The following FOXJ3 variants were observed in gnomAD, a reference collection of about 807,000 sequenced individuals.
FOXJ3 encodes the protein forkhead box protein J3.
A neutral mutation model predicts 76.1 loss-of-function variants in FOXJ3; 22 were observed. The ratio of observed to expected loss-of-function variants is 0.29; its 90% confidence interval spans 0.21 to 0.41. FOXJ3 has a LOEUF of 0.41. Ranked by LOEUF, FOXJ3 falls within the 10% of genes least tolerant of loss-of-function variation. The pLI is 1.00. For synonymous variants in FOXJ3, 269 were observed against 261.2 expected, an observed-to-expected ratio of 1.03 and a Z score of -0.29; for missense variants, 613 against 762.1, an observed-to-expected ratio of 0.80 and a Z score of 2.30.
intron 2 of FOXJ3, among the ~76,000 whole-genome samples, chr1:42,291,083 T>TAGACAGACAGACAGACAGATAGAC (rs1653400693): frequency 7.9e-6 from 1 of 126,388 alleles, no homozygotes; most frequent in African/African-American, 2.9e-5. Flanking sequence ...GATAGATAGA[T>TAGACAGACAGACAGACAGATAGAC]AGACAGACAG....
intron 4 of FOXJ3, among the ~76,000 whole-genome samples, chr1:42,239,540 C>T (rs1215357105): frequency 1.3e-5 from 2 of 152,004 alleles, no homozygotes; most frequent in Non-Finnish European, 2.9e-5. Flanking sequence ...GGTATATGTA[C>T]CAAAATGGAC....
chr1:42,199,025 T>C (rs1646707616), intron 7 of FOXJ3, 77 bp downstream of exon 7: 2 of 1,176,568 alleles, frequency 1.7e-6, no homozygotes, highest in Non-Finnish European at 2.4e-6. Flanking sequence ...TTTTTAAATT[T>C]GCATTTCAAT....
chr1:42,273,866 C>G (rs778483198), intron 3 of FOXJ3, among the ~76,000 whole-genome samples: 1 of 152,062 alleles, frequency 6.6e-6, no homozygotes, highest in Non-Finnish European at 1.5e-5. Context: ...TTTCCCTTTT[C>G]TTGGGGAGCG....
intron 4 of FOXJ3, among the ~76,000 whole-genome samples, chr1:42,232,864 T>C (rs536811054): frequency 2.8e-4 from 43 of 152,374 alleles, no homozygotes; most frequent in Admixed American, 2.1e-3. Context: ...CATGAAGCCT[T>C]TGCCCATGCC....
chr1:42,328,683 T>C (rs991312837), intron 1 of FOXJ3, among the ~76,000 whole-genome samples: 5 of 149,884 alleles, frequency 3.3e-5, no homozygotes, highest in Admixed American at 2.0e-4. Context: ...CCTATTTTTT[T>C]TTTTTTTTTT....
chr1:42,203,670 T>C (rs1470753886), intron 6 of FOXJ3, among the ~76,000 whole-genome samples: 1 of 152,116 alleles, frequency 6.6e-6, no homozygotes, highest in Non-Finnish European at 1.5e-5. Flanking sequence ...AATTAGGAGT[T>C]AGCAAATGCC....
intron 6 of FOXJ3, among the ~76,000 whole-genome samples, chr1:42,201,382 T>A (rs2124289113): frequency 6.6e-6 from 1 of 152,314 alleles, no homozygotes; most frequent in African/African-American, 2.4e-5. Flanking sequence ...TGCTTCTTTG[T>A]AGATATTCTT....
intron 11 of FOXJ3, among the ~76,000 whole-genome samples, chr1:42,184,546 A>T (rs1328439896): frequency 6.6e-6 from 1 of 152,100 alleles, no homozygotes; most frequent in Non-Finnish European, 1.5e-5. Context: ...TTAACTTCCA[A>T]TGCAGTTTCC....
At chr1:42,236,024 G>C in intron 4 of FOXJ3, among the ~76,000 whole-genome samples, 1 of 152,068 alleles carries the variant, frequency 6.6e-6, no homozygotes, top group South Asian at 2.1e-4. Flanking sequence ...TTCCTTGTTA[G>C]ACAATATAGA....
At chr1:42,254,862 C>T (rs1336324876) in intron 4 of FOXJ3, among the ~76,000 whole-genome samples, 5 of 149,600 alleles carry the variant, frequency 3.3e-5, no homozygotes, top group East Asian at 2.0e-4. Flanking sequence ...ATACCTAATG[C>T]TAAATGACGA....
chr1:42,250,798 C>CAAAAA (rs61431089), intron 4 of FOXJ3, among the ~76,000 whole-genome samples: 8 of 23,750 alleles, frequency 3.4e-4, no homozygotes, highest in African/African-American at 5.2e-4. Flanking sequence ...AACTCCATCT[C>CAAAAA]AAAAAAAAAA....
intron 2 of FOXJ3, among the ~76,000 whole-genome samples, chr1:42,297,252 G>A (rs1653847071): frequency 6.6e-6 from 1 of 152,160 alleles, no homozygotes; most frequent in East Asian, 1.9e-4. Context: ...CAATTTGGAT[G>A]CCTTTTATTT....
intron 8 of FOXJ3, among the ~76,000 whole-genome samples, chr1:42,192,822 T>C (rs1646577563): frequency 6.6e-6 from 1 of 151,182 alleles, no homozygotes; most frequent in Non-Finnish European, 1.5e-5. Flanking sequence ...TTAAAAAAGA[T>C]AAAATTATTC....
intron 4 of FOXJ3, among the ~76,000 whole-genome samples, chr1:42,248,769 A>G (rs1206233935): frequency 7.0e-6 from 1 of 143,224 alleles, no homozygotes; most frequent in African/African-American, 2.6e-5. Flanking sequence ...GTTCCAGGAT[A>G]CAAGTGCAGA....
At chr1:42,196,935 A>T (rs1267113800) in intron 7 of FOXJ3, among the ~76,000 whole-genome samples, 3 of 152,164 alleles carry the variant, frequency 2.0e-5, no homozygotes, top group African/African-American at 7.2e-5. Context: ...ATCTTTGCTT[A>T]GTTTGCTTCA....
chr1:42,197,638 A>G (rs1646676809), intron 7 of FOXJ3, among the ~76,000 whole-genome samples: 1 of 151,958 alleles, frequency 6.6e-6, no homozygotes, highest in Non-Finnish European at 1.5e-5. Context: ...ACCTAATACA[A>G]TGTAAACAGT....
intron 1 of FOXJ3, among the ~76,000 whole-genome samples, chr1:42,326,347 G>C (rs1231637225): frequency 2.0e-5 from 3 of 152,100 alleles, no homozygotes; most frequent in Admixed American, 2.0e-4. Flanking sequence ...ATGATATATG[G>C]TCACTGTAGA....
rs540024329 is a variant in FOXJ3, at chr1:42,300,651, G to A, written c.44+10399C>T. Among the ~76,000 whole-genome samples, 7 of 152,106 alleles carry A rather than the reference G, an allele frequency of 4.6e-5. No homozygotes were observed. The East Asian group carries it at 1.4e-3, about 30-fold the overall frequency. On this transcript the variant is annotated intron_variant, in intron 2 of 12. Coordinates refer to ENST00000361346, the MANE Select transcript of FOXJ3 (RefSeq NM_014947.5). ...AAATTAGCCGGGCATGGTGGCATGT[G>A]CTTGTAGTCCCAGCTACTTGGGAGG...
At chr1:42,246,150 TAAAC>T (rs1484184033) in intron 4 of FOXJ3, among the ~76,000 whole-genome samples, 1 of 151,944 alleles carries the variant, frequency 6.6e-6, no homozygotes, top group African/African-American at 2.4e-5. Flanking sequence ...AAAACAAAAA[TAAAC>T]AAATGAGATT....
Sources: allele counts gnomAD v4.1 joint callset (sites outside exome capture counted in the v4.1 genomes callset), GRCh38; gene constraint gnomAD v4.1.1; transcripts MANE v1.5; gene names NCBI Gene and HGNC (gene_info 2026-07-23, HGNC 2026-07-21).